NXPE2: variants seen among roughly 807,000 people sequenced by gnomAD.
The protein encoded by NXPE2 is neurexophilin and PC-esterase domain family member 2.
Under a neutral mutation model 34.4 loss-of-function variants are expected in NXPE2, and 34 were observed. The ratio of observed to expected loss-of-function variants is 0.99; its 90% CI spans 0.75 to 1.31. The LOEUF is 1.31. Among genes scored for constraint, NXPE2 ranks in the 40% most tolerant of loss-of-function variants. NXPE2 has a pLI of 0.00. For missense variants in NXPE2, 649 were observed against 672.5 expected, an observed-to-expected ratio of 0.97 and a Z score of 0.39; for synonymous variants, 235 against 231.3, an observed-to-expected ratio of 1.02 and a Z score of -0.15.
At chr11:114,670,746 T>C in the NXPE2 span, among the ~76,000 whole-genome samples, 1 of 151,828 alleles carries the variant, frequency 6.6e-6, no homozygotes, top group Admixed American at 6.6e-5. Flanking sequence ...TCAAGTTCCA[T>C]AGAGTGGAGA....
the NXPE2 span, among the ~76,000 whole-genome samples, chr11:114,630,244 G>T: frequency 6.6e-6 from 1 of 151,748 alleles, no homozygotes; most frequent in Non-Finnish European, 1.5e-5. Flanking sequence ...AACAAAGCTG[G>T]AGGCATCACA....
chr11:114,764,801 T>C, the NXPE2 span, among the ~76,000 whole-genome samples: 1 of 152,044 alleles, frequency 6.6e-6, no homozygotes, highest in Non-Finnish European at 1.5e-5. Context: ...CCATCAAAAG[T>C]TTCTATCTCA....
the NXPE2 span, among the ~76,000 whole-genome samples, chr11:114,720,399 G>C: frequency 6.6e-6 from 1 of 152,244 alleles, no homozygotes; most frequent in Non-Finnish European, 1.5e-5. Flanking sequence ...CATAAAGCAA[G>C]TGTTTCCTCT....
the NXPE2 span, among the ~76,000 whole-genome samples, chr11:114,755,440 G>A: frequency 6.6e-6 from 1 of 152,042 alleles, no homozygotes; most frequent in African/African-American, 2.4e-5. Flanking sequence ...TTAGCATAAA[G>A]TCTGCTTGAT....
chr11:114,660,784 T>C, the NXPE2 span, among the ~76,000 whole-genome samples: 10 of 152,214 alleles, frequency 6.6e-5, 1 homozygote, highest in South Asian at 2.1e-4. Flanking sequence ...GCATACCATT[T>C]GGATAAAGGA....
chr11:114,667,507 T>C, the NXPE2 span, among the ~76,000 whole-genome samples: 1 of 152,104 alleles, frequency 6.6e-6, no homozygotes. Context: ...TCTTGAGTAA[T>C]AATGGATTTG....
chr11:114,750,651 A>T, the NXPE2 span, among the ~76,000 whole-genome samples: 2 of 152,160 alleles, frequency 1.3e-5, no homozygotes, highest in Non-Finnish European at 2.9e-5. Context: ...CTCCAACATT[A>T]TGTTTTCCCC....
chr11:114,753,235 T>C, the NXPE2 span, among the ~76,000 whole-genome samples: 1 of 151,782 alleles, frequency 6.6e-6, no homozygotes. Flanking sequence ...CTACAAAAAA[T>C]GCAAAAAGTT....
At chr11:114,796,370 G>C in the NXPE2 span, among the ~76,000 whole-genome samples, 1 of 151,976 alleles carries the variant, frequency 6.6e-6, no homozygotes, top group South Asian at 2.1e-4. Context: ...AAATATCCAT[G>C]GGAGGAGTAA....
the NXPE2 span, among the ~76,000 whole-genome samples, chr11:114,613,398 G>A: frequency 6.6e-6 from 1 of 151,454 alleles, no homozygotes; most frequent in Non-Finnish European, 1.5e-5. Context: ...TGCCTCGTGG[G>A]TGGGTAAGCA....
chr11:114,625,768 T>A, the NXPE2 span, among the ~76,000 whole-genome samples: 7 of 152,068 alleles, frequency 4.6e-5, no homozygotes, highest in Non-Finnish European at 8.8e-5. Context: ...AGGTACCAGG[T>A]TCATCTCATT....
chr11:114,498,989 A>C, the NXPE2 span, among the ~76,000 whole-genome samples: 1 of 151,962 alleles, frequency 6.6e-6, no homozygotes. Flanking sequence ...CTTCAATAGG[A>C]CTCACTTGTA....
At chr11:114,788,499 A>G in the NXPE2 span, among the ~76,000 whole-genome samples, 1 of 152,226 alleles carries the variant, frequency 6.6e-6, no homozygotes, top group African/African-American at 2.4e-5. Context: ...CCCAGCAAGA[A>G]GGACCACCAG....
the NXPE2 span, among the ~76,000 whole-genome samples, chr11:114,716,836 C>G: frequency 0.017 from 2,605 of 152,050 alleles, 78 homozygotes; most frequent in African/African-American, 0.057. Flanking sequence ...AGCAGTTTAT[C>G]GATTTTTTTT....
the NXPE2 span, among the ~76,000 whole-genome samples, chr11:114,609,323 C>A: frequency 1.3e-5 from 2 of 151,666 alleles, no homozygotes; most frequent in East Asian, 1.9e-4. Flanking sequence ...TGGGTAACCA[C>A]GGTTACCCTG....
the NXPE2 span, among the ~76,000 whole-genome samples, chr11:114,655,028 T>C: frequency 6.6e-6 from 1 of 152,234 alleles, no homozygotes; most frequent in Non-Finnish European, 1.5e-5. Flanking sequence ...TGGTGTGAGA[T>C]AGTATCTCAT....
the NXPE2 span, among the ~76,000 whole-genome samples, chr11:114,505,157 A>G: frequency 1.3e-5 from 2 of 152,154 alleles, no homozygotes; most frequent in African/African-American, 4.8e-5. Flanking sequence ...TTCTGAAATA[A>G]GACAGGCAGA....
chr11:114,646,091 A>G, the NXPE2 span, among the ~76,000 whole-genome samples: 1 of 152,040 alleles, frequency 6.6e-6, no homozygotes, highest in Non-Finnish European at 1.5e-5. Flanking sequence ...ACTTCCCTTC[A>G]ACTTCTTTTA....
At chr11:114,537,976 T>A in the NXPE2 span, among the ~76,000 whole-genome samples, 1 of 152,120 alleles carries the variant, frequency 6.6e-6, no homozygotes, top group South Asian at 2.1e-4. Flanking sequence ...GCCAAGTCAA[T>A]CCTAAGCCAA....
Sources: gnomAD v4.1 joint callset for allele counts (sites outside exome capture counted in the v4.1 genomes callset) on GRCh38, gnomAD v4.1.1 for gene constraint, MANE v1.5 for transcripts, NCBI Gene and HGNC (gene_info 2026-07-23, HGNC 2026-07-21) for gene names.